The following KIAA1217 variants were observed in gnomAD, a reference collection of about 807,000 sequenced individuals.
The protein encoded by KIAA1217 is KIAA1217.
In KIAA1217, 88 loss-of-function variants were observed where a neutral mutation model predicts 163.9. That is an observed-to-expected ratio of 0.54 (90% CI 0.45 to 0.64). KIAA1217 has a LOEUF of 0.64. KIAA1217 is among the 30% of genes least tolerant of loss of function. KIAA1217 has a pLI of 0.00. For missense variants in KIAA1217, 2,372 were observed against 2,475.0 expected (o/e 0.96, Z 0.88); for synonymous variants, 903 against 923.1 (o/e 0.98, Z 0.39).
chr10:24,165,080 T>A (rs1309039250), intron 2 of KIAA1217, among the ~76,000 whole-genome samples: 1 of 152,138 alleles, frequency 6.6e-6, no homozygotes. Context: ...GAAAAGCGAA[T>A]AAGAGAAAAA....
At chr10:24,274,943 G>T (rs186319567) in intron 2 of KIAA1217, among the ~76,000 whole-genome samples, 105 of 151,930 alleles carry the variant, frequency 6.9e-4, no homozygotes, top group African/African-American at 1.5e-3. Flanking sequence ...CTTATTTAAA[G>T]AAAAAATTTG....
At chr10:23,783,460 T>C (rs1229872906) in intron 1 of KIAA1217, among the ~76,000 whole-genome samples, 1 of 152,208 alleles carries the variant, frequency 6.6e-6, no homozygotes, top group African/African-American at 2.4e-5. Flanking sequence ...TGATTTCAAT[T>C]TGCTGGTATC....
chr10:23,792,708 T>C (rs1836013514), intron 1 of KIAA1217, among the ~76,000 whole-genome samples: 1 of 151,638 alleles, frequency 6.6e-6, no homozygotes, highest in Non-Finnish European at 1.5e-5. Flanking sequence ...TTCACCATGT[T>C]AGCCAGGATG....
chr10:24,072,800 G>A (rs1457181283), intron 2 of KIAA1217, among the ~76,000 whole-genome samples: 2 of 152,164 alleles, frequency 1.3e-5, no homozygotes, highest in Non-Finnish European at 2.9e-5. Flanking sequence ...ATTGGGGGTG[G>A]AGATGAAGAA....
intron 1 of KIAA1217, among the ~76,000 whole-genome samples, chr10:23,726,741 A>G (rs538982872): frequency 4.4e-4 from 67 of 152,284 alleles, no homozygotes; most frequent in Admixed American, 1.2e-3. Flanking sequence ...TGGGCAAAGG[A>G]TATGAACAGA....
intron 5 of KIAA1217, among the ~76,000 whole-genome samples, chr10:24,456,710 T>C (rs1249704991): frequency 6.6e-6 from 1 of 151,660 alleles, no homozygotes; most frequent in Non-Finnish European, 1.5e-5. Flanking sequence ...TAAACCTTTT[T>C]TTTTTTTTTT....
intron 6 of KIAA1217, among the ~76,000 whole-genome samples, chr10:24,478,216 A>C (rs1335517216): frequency 6.6e-6 from 1 of 152,230 alleles, no homozygotes; most frequent in Non-Finnish European, 1.5e-5. Context: ...TCTTCCTTCC[A>C]CATGCATACT....
intron 2 of KIAA1217, among the ~76,000 whole-genome samples, chr10:24,378,354 TG>T: frequency 6.6e-6 from 1 of 152,118 alleles, no homozygotes; most frequent in East Asian, 1.9e-4. Context: ...AGGCTGGGAG[TG>T]GGTAGCCCTG....
chr10:24,540,661 C>T (rs1439316707), intron 17 of KIAA1217, among the ~76,000 whole-genome samples: 2 of 152,220 alleles, frequency 1.3e-5, no homozygotes, highest in African/African-American at 4.8e-5. Flanking sequence ...AATCCATCCA[C>T]GATTCAGGGG....
intron 1 of KIAA1217, among the ~76,000 whole-genome samples, chr10:23,821,533 C>T (rs1588888416): frequency 6.6e-6 from 1 of 152,266 alleles, no homozygotes; most frequent in South Asian, 2.1e-4. Flanking sequence ...ATGGGGAAAA[C>T]CTTGAGAAGC....
chr10:24,327,061 G>C (rs895199756), intron 2 of KIAA1217, among the ~76,000 whole-genome samples: 1 of 152,096 alleles, frequency 6.6e-6, no homozygotes, highest in Non-Finnish European at 1.5e-5. Flanking sequence ...AGTATGATTT[G>C]TTTTCTGAAA....
chr10:23,745,426 A>G (rs1414291993), intron 1 of KIAA1217, among the ~76,000 whole-genome samples: 2 of 152,102 alleles, frequency 1.3e-5, no homozygotes, highest in Non-Finnish European at 2.9e-5. Flanking sequence ...GTGTTCCTAT[A>G]CTTCCTAGGC....
chr10:24,545,674 T>C (rs2075663167), intron 20 of KIAA1217, 153 bp from the exon 21 acceptor site: 3 of 1,449,500 alleles, frequency 2.1e-6, no homozygotes, highest in African/African-American at 1.4e-5. Context: ...CCAGGTCCAG[T>C]AGAGCACAAC....
rs762724921 is a variant in KIAA1217 at position 24,542,623 on chromosome 10, T to C, written c.3535-70T>C. 373 of 1,588,464 alleles carry C rather than the reference T, an allele frequency of 2.3e-4. 1 individual carries two copies. The highest frequency in any genetic ancestry group is 3.0e-4 in the Non-Finnish European group (350 of 1,157,310). On this transcript the variant is annotated intron_variant, in intron 17 of 20. Transcript: ENST00000376454. The stretch of plus-strand genomic sequence containing the variant: ...CTTAGAAATGTAATTAAAGGAACGA[T>C]TTAGTTATAGTCCACTTTTTTGGGG...
Position 24,543,367 on chromosome 10 carries a change from G to C in KIAA1217, c.4097G>C (p.Gly1366Ala), listed in dbSNP as rs956210822. Residue 1366 changes from glycine to alanine, a missense_variant, in exon 19 of 21, where the codon GGA (glycine) becomes GCA (alanine). Transcript: ENST00000376454. ...RHANVNPNED[G>A]ESSSSSPTEE... is the part of the protein sequence containing the mutation. ...GCTAACGTGAACCCTAATGAGGATGGAGAATCAAGTTCAAGTTCTCCCACT... is the reference window on the plus strand; with the variant it reads ...GCTAACGTGAACCCTAATGAGGATGCAGAATCAAGTTCAAGTTCTCCCACT... The C allele has an allele frequency of 6.2e-7, 1 of 1,614,030 alleles. No homozygotes were observed. Among genetic ancestry groups the C allele is most frequent in the Non-Finnish European group, 8.5e-7 (1 of 1,180,040 alleles).
chr10:24,228,330 A>C (rs1294115046), intron 2 of KIAA1217, among the ~76,000 whole-genome samples: 1 of 152,022 alleles, frequency 6.6e-6, no homozygotes, highest in Non-Finnish European at 1.5e-5. Context: ...TATGTCTTAA[A>C]GCTGATGTAT....
At chr10:24,339,173 C>G (rs2046758007) in intron 2 of KIAA1217, among the ~76,000 whole-genome samples, 1 of 152,142 alleles carries the variant, frequency 6.6e-6, no homozygotes, top group African/African-American at 2.4e-5. Context: ...TTCCTTATCT[C>G]TAATTAACCT....
intron 8 of KIAA1217, among the ~76,000 whole-genome samples, chr10:24,498,826 C>T (rs973807327): frequency 2.0e-5 from 3 of 152,110 alleles, no homozygotes; most frequent in Non-Finnish European, 2.9e-5. Context: ...AAAAAAATTG[C>T]GCTGTGAAAG....
At chr10:23,779,170 G>A (rs7087962) in intron 1 of KIAA1217, among the ~76,000 whole-genome samples, 49,940 of 152,000 alleles carry the variant, frequency 0.33, 10,194 homozygotes, top group African/African-American at 0.58. Context: ...GGTCAGAGCT[G>A]ATGTACTGTA....
Sources: gnomAD v4.1 joint callset for allele counts (sites outside exome capture counted in the v4.1 genomes callset) on GRCh38, gnomAD v4.1.1 for gene constraint, MANE v1.5 for transcripts, NCBI Gene and HGNC (gene_info 2026-07-23, HGNC 2026-07-21) for gene names.